The following ADAMTS19 variants were observed in gnomAD, a reference collection of about 807,000 sequenced individuals.
The protein encoded by ADAMTS19 is A disintegrin and metalloproteinase with thrombospondin motifs 19.
ADAMTS19 carries 93 observed loss-of-function variants against 153.3 expected under a neutral mutation model. The ratio of observed to expected loss-of-function variants is 0.61; its 90% CI spans 0.51 to 0.72. The LOEUF (loss-of-function observed/expected upper bound fraction) is 0.72, where lower values mean the gene tolerates loss of function less well. ADAMTS19 is among the 30% of genes least tolerant of loss of function. ADAMTS19 has a pLI of 0.00. For missense variants in ADAMTS19, 1,482 were observed against 1,552.1 expected, an observed-to-expected ratio of 0.95 and a Z score of 0.76; for synonymous variants, 600 against 556.6, an observed-to-expected ratio of 1.08 and a Z score of -1.10.
intron 7 of ADAMTS19, among the ~76,000 whole-genome samples, chr5:129,574,036 C>T (rs1754008351): frequency 6.6e-6 from 1 of 151,946 alleles, no homozygotes; most frequent in Non-Finnish European, 1.5e-5. Context: ...ACTTGTTAAG[C>T]ATCTACTAAG....
chr5:129,526,819 T>A (rs7721297), intron 4 of ADAMTS19, among the ~76,000 whole-genome samples: 7 of 151,466 alleles, frequency 4.6e-5, no homozygotes, highest in African/African-American at 1.7e-4. Flanking sequence ...TATTTATTTT[T>A]TTGGTACATA....
intron 17 of ADAMTS19, among the ~76,000 whole-genome samples, chr5:129,680,277 T>C (rs1455481673): frequency 1.3e-5 from 2 of 152,256 alleles, no homozygotes; most frequent in East Asian, 3.9e-4. Flanking sequence ...GTTTTATATA[T>C]CCATGAATGG....
chr5:129,654,805 T>G (rs1436491958), intron 14 of ADAMTS19, among the ~76,000 whole-genome samples: 1 of 152,100 alleles, frequency 6.6e-6, no homozygotes, highest in Non-Finnish European at 1.5e-5. Flanking sequence ...GAGCCATGAG[T>G]CAAAAATCAA....
At chr5:129,627,264 C>T (rs1409345741) in intron 10 of ADAMTS19, among the ~76,000 whole-genome samples, 1 of 151,732 alleles carries the variant, frequency 6.6e-6, no homozygotes, top group African/African-American at 2.4e-5. Context: ...AATAAAATGC[C>T]GAAGTATATT....
chr5:129,666,070 T>C (rs934342734), intron 16 of ADAMTS19, among the ~76,000 whole-genome samples: 2 of 151,504 alleles, frequency 1.3e-5, no homozygotes, highest in East Asian at 3.9e-4. Flanking sequence ...GATTTTTTAA[T>C]GGAAAAGGGT....
At chr5:129,620,543 A>T in intron 8 of ADAMTS19, 75 bp from the exon 9 acceptor site, 2 of 1,084,218 alleles carry the variant, frequency 1.8e-6, no homozygotes, top group Non-Finnish European at 2.4e-6. Context: ...ACCGTTATTT[A>T]ACTGCAGTTA....
chr5:129,697,695 T>C (rs1225874563), intron 19 of ADAMTS19, among the ~76,000 whole-genome samples: 1 of 152,236 alleles, frequency 6.6e-6, no homozygotes, highest in Non-Finnish European at 1.5e-5. Context: ...TTCCACTCAG[T>C]GCTGGACAGA....
chr5:129,575,577 T>C (rs898029513), intron 7 of ADAMTS19, among the ~76,000 whole-genome samples: 1 of 152,150 alleles, frequency 6.6e-6, no homozygotes, highest in African/African-American at 2.4e-5. Context: ...CAAAGTCATA[T>C]AGAAAGTCTA....
intron 19 of ADAMTS19, among the ~76,000 whole-genome samples, chr5:129,700,900 G>GT (rs1258033069): frequency 6.6e-6 from 1 of 150,984 alleles, no homozygotes; most frequent in Non-Finnish European, 1.5e-5. Flanking sequence ...ATTGTGTTTG[G>GT]TTAAAAAAAA....
intron 10 of ADAMTS19, among the ~76,000 whole-genome samples, chr5:129,628,995 G>C (rs568789770): frequency 6.6e-6 from 1 of 152,102 alleles, no homozygotes; most frequent in Non-Finnish European, 1.5e-5. Flanking sequence ...CTGTAGTTCT[G>C]CTACATACAT....
chr5:129,607,531 G>T (rs1581138096), intron 8 of ADAMTS19, among the ~76,000 whole-genome samples: 1 of 152,020 alleles, frequency 6.6e-6, no homozygotes, highest in African/African-American at 2.4e-5. Context: ...AATCAGTTTG[G>T]GTCAAGGAAT....
At chr5:129,473,023 T>C (rs994825849) in intron 2 of ADAMTS19, among the ~76,000 whole-genome samples, 7 of 151,860 alleles carry the variant, frequency 4.6e-5, no homozygotes, top group Non-Finnish European at 1.0e-4. Context: ...GGAATAGCAG[T>C]GCAGTATGTT....
At chr5:129,625,564 G>T (rs1337471692) in intron 10 of ADAMTS19, among the ~76,000 whole-genome samples, 1 of 152,088 alleles carries the variant, frequency 6.6e-6, no homozygotes, top group Non-Finnish European at 1.5e-5. Flanking sequence ...TTGTGGTTTT[G>T]ATTTTGTTTT....
rs544805202 is a variant in ADAMTS19 at position 129,725,533 on chromosome 5, A to C, written c.3313-9399A>C. Among the ~76,000 whole-genome samples the C allele has an allele frequency of 4.6e-5, 7 of 152,194 alleles. No homozygotes were observed. The East Asian group carries it at 1.4e-3, about 29-fold the overall frequency. On this transcript the variant is annotated intron_variant, in intron 21 of 22. Coordinates refer to ENST00000274487, the MANE Select transcript of ADAMTS19 (RefSeq NM_133638.6). Reference sequence around the variant, plus strand: ...GCTTATGCTTGAGCCCACTTGCCCAATTCCTGAGATCTTATTGGAAAGTTG... The same window carrying C: ...GCTTATGCTTGAGCCCACTTGCCCACTTCCTGAGATCTTATTGGAAAGTTG...
In ADAMTS19 at chr5:129,631,176, T is replaced by A. The variant is rs913297978; in HGVS notation, c.1770+8828T>A. Among the ~76,000 whole-genome samples, 8 of 150,120 alleles carry A rather than the reference T, an allele frequency of 5.3e-5. No homozygotes were observed. In the South Asian group the frequency reaches 1.7e-3, roughly 31 times the overall value. On this transcript the variant is annotated intron_variant, in intron 10 of 22. Coordinates refer to ENST00000274487, the MANE Select transcript of ADAMTS19 (RefSeq NM_133638.6). ...AAATTTTAGGTTTTTTTTTTTTTTT[T>A]TTTTTATCACTTAAGCATTCACCTC...
intron 18 of ADAMTS19, among the ~76,000 whole-genome samples, chr5:129,691,601 G>A (rs1755340114): frequency 6.6e-6 from 1 of 152,084 alleles, no homozygotes; most frequent in Non-Finnish European, 1.5e-5. Context: ...GTCTGTAGCT[G>A]AGCAATGAGT....
intron 3 of ADAMTS19, 122 bp downstream of exon 3, chr5:129,509,364 A>G (rs1751362218): frequency 1.1e-6 from 1 of 908,054 alleles, no homozygotes; most frequent in African/African-American, 1.7e-5. Context: ...TTTAATTAGT[A>G]ACAATTAAAT....
chr5:129,648,937 C>G lies in ADAMTS19; in HGVS notation c.2143C>G (p.His715Asp), dbSNP rs1219036592. 6.2e-7 allele frequency: 1 copy of G among 1,610,954 alleles called. No homozygotes were observed. The highest frequency in any genetic ancestry group is 1.7e-5 in the Admixed American group (1 of 59,984). Reference sequence around the variant, plus strand: ...TAGTGTTAGAACTTCCTCCCCAAAGCATATACTTCAGTGGCAAGCTGTCCT... The same window carrying G: ...TAGTGTTAGAACTTCCTCCCCAAAGGATATACTTCAGTGGCAAGCTGTCCT... ...AYSVRTSSPK[H>D]ILQWQAVLDE... The change falls in exon 13 of 23, where the codon CAT becomes GAT. Residue 715 changes from histidine (H) to aspartate (D), a missense_variant. By Grantham distance (81) the His-to-Asp change is moderately conservative. Coordinates refer to ENST00000274487, the MANE Select transcript of ADAMTS19 (RefSeq NM_133638.6).
At chr5:129,658,387 A>T (rs1466600091) in intron 14 of ADAMTS19, among the ~76,000 whole-genome samples, 3 of 147,144 alleles carry the variant, frequency 2.0e-5, no homozygotes, top group Admixed American at 6.7e-5. Context: ...GGAAGGAAGG[A>T]AGGTAGGTAG....
Sources: gnomAD v4.1 joint callset for allele counts (sites outside exome capture counted in the v4.1 genomes callset) on GRCh38, gnomAD v4.1.1 for gene constraint, MANE v1.5 for transcripts, NCBI Gene and HGNC (gene_info 2026-07-23, HGNC 2026-07-21) for gene names.